Variants in EPS15L1 observed in about 807,000 individuals in gnomAD.
EPS15L1 encodes the protein epidermal growth factor receptor pathway substrate 15 like 1.
A neutral mutation model predicts 117.1 loss-of-function variants in EPS15L1; 43 were observed. The observed-to-expected ratio is 0.37, with a 90% CI of 0.29 to 0.47. The LOEUF (loss-of-function observed/expected upper bound fraction) is 0.47, where lower values mean the gene tolerates loss of function less well. Among genes scored for constraint, EPS15L1 ranks in the 20% least tolerant of loss-of-function variants. The pLI, the probability that EPS15L1 is intolerant of heterozygous loss-of-function variation, is 0.99. For missense variants in EPS15L1, 981 were observed against 1,164.0 expected (o/e 0.84, Z 2.29); for synonymous variants, 459 against 470.5 (o/e 0.98, Z 0.32).
intron 20 of EPS15L1, among the ~76,000 whole-genome samples, chr19:16,385,601 C>A (rs1200335113): frequency 1.3e-5 from 2 of 152,162 alleles, no homozygotes. Context: ...GCTGTGTTTT[C>A]TCCTCTAACC....
rs569166919 is a variant in EPS15L1 at position 16,434,025 on chromosome 19, CACAATGGA to C, written c.498+332_498+339del. Among the ~76,000 whole-genome samples, 155 of 152,116 alleles carry C rather than the reference CACAATGGA, an allele frequency of 1.0e-3. 2 individuals are homozygous for C. The highest frequency in any genetic ancestry group is 7.1e-3 in the South Asian group (34 of 4,790). ...CACAGACACACATTCCCACATTCAG[CACAATGGA>C]AAGGGGGAAAGCCCAAGTTGGGGAG... On this transcript the variant is annotated intron_variant, in intron 7 of 23. Coordinates refer to ENST00000455140, the MANE Select transcript of EPS15L1 (RefSeq NM_001258374.3).
intron 1 of EPS15L1, among the ~76,000 whole-genome samples, chr19:16,442,481 A>ACAG (rs1407644776): frequency 6.6e-6 from 1 of 152,198 alleles, no homozygotes; most frequent in African/African-American, 2.4e-5. Flanking sequence ...CACTCAGGAA[A>ACAG]CAGCAGCAGC....
At chr19:16,363,195 C>G (rs1002841138) in intron 22 of EPS15L1, among the ~76,000 whole-genome samples, 17 of 152,166 alleles carry the variant, frequency 1.1e-4, no homozygotes, top group African/African-American at 4.1e-4. Flanking sequence ...CAACGGAGTC[C>G]CTGGGCATTC....
At position 16,393,935 on chromosome 19, in the gene EPS15L1, A is replaced by C; in HGVS notation, c.1966+16T>G. The stretch of plus-strand genomic sequence containing the variant: ...GACACAGTCTAAAGACCGGTCCGGG[A>C]AACACTGAATTTTACCTGTTGAAGT... On this transcript the variant is annotated intron_variant, in intron 18 of 23. Transcript: ENST00000455140. The C allele has an allele frequency of 1.2e-6, 2 of 1,613,708 alleles. No individual in the cohort carries two copies. Among genetic ancestry groups the C allele is most frequent in the Non-Finnish European group, 1.7e-6 (2 of 1,179,664 alleles).
intron 23 of EPS15L1, chr19:16,356,195 G>C (rs978252641): frequency 5.5e-6 from 2 of 361,332 alleles, no homozygotes; most frequent in Non-Finnish European, 1.0e-5. Context: ...AACTTCCAGC[G>C]TGCATGGCTC....
At chr19:16,443,369 C>T (rs1599659101) in intron 1 of EPS15L1, 1 of 152,174 alleles carries the variant, frequency 6.6e-6, no homozygotes. Context: ...CAATACGCAC[C>T]CACCACTTGC....
intron 21 of EPS15L1, among the ~76,000 whole-genome samples, chr19:16,379,926 C>T (rs551536598): frequency 7.4e-4 from 113 of 151,982 alleles, no homozygotes; most frequent in Non-Finnish European, 1.1e-3. Flanking sequence ...CACACAGACA[C>T]GGCCATCTAA....
At chr19:16,362,048 A>C (rs2092062592) in intron 22 of EPS15L1, 64 bp from the exon 23 acceptor site, 1 of 1,467,954 alleles carries the variant, frequency 6.8e-7, no homozygotes, top group African/African-American at 1.4e-5. Context: ...ACCCGGACAG[A>C]GCAGAATGCT....
At chr19:16,386,269 C>A in intron 19 of EPS15L1, 38 bp from the exon 20 acceptor site, 3 of 1,547,754 alleles carry the variant, frequency 1.9e-6, no homozygotes, top group Non-Finnish European at 2.7e-6. Flanking sequence ...AAAAGCAGTT[C>A]GTTGGTTCCA....
intron 21 of EPS15L1, among the ~76,000 whole-genome samples, chr19:16,380,538 G>A (rs1399748225): frequency 6.7e-6 from 1 of 149,786 alleles, no homozygotes; most frequent in Non-Finnish European, 1.5e-5. Flanking sequence ...AGGCTCTAGC[G>A]TCCAGTCACA....
At position 16,361,759 on chromosome 19, in the gene EPS15L1, A is replaced by G. The variant is rs576372452; in HGVS notation, c.2586+20T>C. 8.1e-6 allele frequency: 13 copies of G among 1,605,526 alleles called. No homozygotes were observed. Among genetic ancestry groups the G allele is most frequent in the East Asian group, 2.2e-5 (1 of 44,778 alleles). On this transcript the variant is annotated intron_variant, in intron 23 of 23. Coordinates refer to ENST00000455140, the MANE Select transcript of EPS15L1 (RefSeq NM_001258374.3). ...AGCGGAAGGGAGTGGGGTGGCCCGG[A>G]GGCGGAGGACTCAACTTACAGAGGT...
At chr19:16,437,743 G>A (rs1197353865) in intron 5 of EPS15L1, 27 bp downstream of exon 5, 1 of 1,543,420 alleles carries the variant, frequency 6.5e-7, no homozygotes, top group Admixed American at 1.7e-5. Context: ...TTAGAAGAAT[G>A]TGAACTTGAA....
chr19:16,415,511 T>C (rs574614865), intron 12 of EPS15L1, among the ~76,000 whole-genome samples: 2 of 152,184 alleles, frequency 1.3e-5, no homozygotes, highest in African/African-American at 4.8e-5. Flanking sequence ...CATTGGAATA[T>C]TCATTTCCAC....
intron 1 of EPS15L1, among the ~76,000 whole-genome samples, chr19:16,453,800 A>G (rs2093169304): frequency 6.6e-6 from 1 of 152,122 alleles, no homozygotes; most frequent in African/African-American, 2.4e-5. Context: ...GCATCATGCA[A>G]TACTCTCATG....
intron 10 of EPS15L1, among the ~76,000 whole-genome samples, chr19:16,419,213 A>T (rs896191279): frequency 1.3e-5 from 2 of 152,156 alleles, no homozygotes; most frequent in African/African-American, 2.4e-5. Flanking sequence ...TGTTCTCAAC[A>T]CTTTGGGAGC....
At chr19:16,468,897 G>A (rs1207456758) in intron 1 of EPS15L1, among the ~76,000 whole-genome samples, 1 of 152,180 alleles carries the variant, frequency 6.6e-6, no homozygotes, top group Non-Finnish European at 1.5e-5. Context: ...CTGCGCTCCT[G>A]TAGTCCCAGC....
intron 10 of EPS15L1, among the ~76,000 whole-genome samples, chr19:16,419,477 T>C (rs1017885551): frequency 1.0e-4 from 15 of 149,940 alleles, no homozygotes; most frequent in African/African-American, 2.9e-4. Flanking sequence ...AATAAAAAAA[T>C]GAGGAGCCAA....
In EPS15L1 at chr19:16,470,578, AACAGTTT is replaced by A. The variant is rs1236059527; in HGVS notation, c.33+1328_33+1334del. On this transcript the variant is annotated intron_variant, in intron 1 of 23. Coordinates refer to ENST00000455140, the MANE Select transcript of EPS15L1 (RefSeq NM_001258374.3). ...AACACCTATTATCGGTAGGACACTT[AACAGTTT>A]ACAGAGCACTTTCATGTCAGTAACA... 4.8e-5 allele frequency among the ~76,000 whole-genome samples: 7 copies of A among 144,460 alleles called. No homozygotes were observed. In the East Asian group the frequency reaches 1.0e-3, roughly 21 times the overall value. 94.8% of individuals were successfully genotyped at this position (144,460 alleles called of 152,430 possible). A position where few individuals can be genotyped will look rare whatever the true frequency, so the allele number is the denominator to read the frequency against.
At chr19:16,364,011 C>A (rs1460581999) in intron 22 of EPS15L1, among the ~76,000 whole-genome samples, 2 of 152,148 alleles carry the variant, frequency 1.3e-5, no homozygotes, top group African/African-American at 2.4e-5. Context: ...CCGTTGCATC[C>A]TTAGCTGACC....
Sources: gnomAD v4.1 joint callset for allele counts (sites outside exome capture counted in the v4.1 genomes callset) on GRCh38, gnomAD v4.1.1 for gene constraint, MANE v1.5 for transcripts, NCBI Gene and HGNC (gene_info 2026-07-23, HGNC 2026-07-21) for gene names.